WDPCP: variants seen among roughly 807,000 people sequenced by gnomAD.
WDPCP encodes the protein WD repeat containing planar cell polarity effector, also known as WD repeat-containing and planar cell polarity effector protein fritz homolog.
Under a neutral mutation model 93.1 loss-of-function variants are expected in WDPCP, and 71 were observed. That is an observed-to-expected ratio of 0.76 (90% CI 0.63 to 0.93). The LOEUF (loss-of-function observed/expected upper bound fraction) is 0.93. Ranked by LOEUF, WDPCP falls within the 40% of genes least tolerant of loss-of-function variation. WDPCP has a pLI of 0.00. For synonymous variants in WDPCP, 315 were observed against 315.0 expected, an observed-to-expected ratio of 1.00 and a Z score of 0.00; for missense variants, 844 against 887.4, an observed-to-expected ratio of 0.95 and a Z score of 0.62.
At chr2:63,603,819 G>A (rs1046821872) in intron 3 of WDPCP, among the ~76,000 whole-genome samples, 4 of 152,148 alleles carry the variant, frequency 2.6e-5, no homozygotes, top group African/African-American at 9.6e-5. Flanking sequence ...CACCAAGCCC[G>A]GCTAACTTTG....
intron 6 of WDPCP, among the ~76,000 whole-genome samples, chr2:63,478,532 A>G (rs142756814): frequency 3.2e-4 from 49 of 152,282 alleles, no homozygotes; most frequent in African/African-American, 1.2e-3. Context: ...AGGAACCCTC[A>G]AAACCATGCA....
intron 17 of WDPCP, among the ~76,000 whole-genome samples, chr2:63,152,514 C>T (rs1348138358): frequency 6.6e-6 from 1 of 152,092 alleles, no homozygotes; most frequent in Non-Finnish European, 1.5e-5. Flanking sequence ...TCAAGTGATC[C>T]ACCTGCCTCG....
chr2:63,602,934 C>CTTTTGTTTTTTTTTTTTT (rs1709452776), intron 3 of WDPCP, among the ~76,000 whole-genome samples: 1 of 131,538 alleles, frequency 7.6e-6, no homozygotes, highest in Non-Finnish European at 1.7e-5. Flanking sequence ...TTTAACCGTT[C>CTTTTGTTTTTTTTTTTTT]TTTTTTTTTT....
At chr2:63,346,740 C>T (rs1262763452) in intron 12 of WDPCP, among the ~76,000 whole-genome samples, 1 of 152,160 alleles carries the variant, frequency 6.6e-6, no homozygotes, top group Non-Finnish European at 1.5e-5. Context: ...GTACACAAAC[C>T]TGCAAATTCA....
At chr2:63,492,733 C>T in intron 2 of WDPCP, 123 bp downstream of exon 2, 1 of 844,980 alleles carries the variant, frequency 1.2e-6, no homozygotes, top group Non-Finnish European at 1.9e-6. Context: ...ACCAATTTTT[C>T]ATTAAGAATA....
rs370910617 is a variant in WDPCP at position 63,707,174 on chromosome 2, G to C, written n.309-56336C>G. Among the ~76,000 whole-genome samples the C allele has an allele frequency of 2.0e-5, 3 of 152,254 alleles. No homozygotes were observed. In the South Asian group the frequency reaches 6.2e-4, roughly 32 times the overall value. ...ATTTCCTGAATTTGAATGTTGGCCT[G>C]CCTTGCTAGATTGGGGAAGTTCTCC... On this transcript the variant is annotated intron_variant and non_coding_transcript_variant, in intron 2 of 4. Coordinates refer to the WDPCP transcript ENST00000467687.
At chr2:63,610,316 T>A (rs1709601296) in intron 3 of WDPCP, among the ~76,000 whole-genome samples, 1 of 152,192 alleles carries the variant, frequency 6.6e-6, no homozygotes, top group African/African-American at 2.4e-5. Context: ...CTTAAGGGAA[T>A]ATTGACCTCT....
At chr2:63,325,740 G>C (rs181158992) in intron 12 of WDPCP, among the ~76,000 whole-genome samples, 1 of 152,318 alleles carries the variant, frequency 6.6e-6, no homozygotes, top group East Asian at 1.9e-4. Context: ...GGAGCTATTA[G>C]CTACACGAAT....
intron 17 of WDPCP, among the ~76,000 whole-genome samples, chr2:63,129,191 T>C (rs1420594437): frequency 6.6e-6 from 1 of 152,256 alleles, no homozygotes; most frequent in African/African-American, 2.4e-5. Flanking sequence ...AGTGGCCATT[T>C]TGGTTGTTTC....
At chr2:63,227,417 G>C (rs900310798) in intron 14 of WDPCP, among the ~76,000 whole-genome samples, 1 of 152,012 alleles carries the variant, frequency 6.6e-6, no homozygotes, top group Admixed American at 6.6e-5. Context: ...TATGTAAGTG[G>C]TGTAAGCACT....
chr2:63,336,947 G>GC (rs1447134320), intron 12 of WDPCP, among the ~76,000 whole-genome samples: 2 of 145,862 alleles, frequency 1.4e-5, no homozygotes, highest in Non-Finnish European at 3.0e-5. Context: ...AGGTTGGAGT[G>GC]CAGTGGCATG....
intron 2 of WDPCP, chr2:63,752,347 T>C: frequency 1.3e-6 from 1 of 788,162 alleles, no homozygotes; most frequent in South Asian, 1.3e-5. Context: ...GGGCACCTGG[T>C]CTTTGAGAAC....
At chr2:63,609,732 C>T (rs1473886442) in intron 3 of WDPCP, among the ~76,000 whole-genome samples, 1 of 152,054 alleles carries the variant, frequency 6.6e-6, no homozygotes, top group African/African-American at 2.4e-5. Context: ...ATTAGCCAGG[C>T]ATGGTGGTGC....
intron 6 of WDPCP, among the ~76,000 whole-genome samples, chr2:63,455,703 G>C (rs1698579852): frequency 1.3e-5 from 2 of 152,064 alleles, no homozygotes; most frequent in Non-Finnish European, 2.9e-5. Context: ...CAGATCTAAT[G>C]AAAGAGACAG....
intron 2 of WDPCP, among the ~76,000 whole-genome samples, chr2:63,661,072 T>C (rs1253902177): frequency 6.6e-6 from 1 of 152,236 alleles, no homozygotes; most frequent in Non-Finnish European, 1.5e-5. Flanking sequence ...ATGAGTTATC[T>C]ATTGCTATGC....
At chr2:63,706,774 G>A (rs1193278023) in intron 2 of WDPCP, among the ~76,000 whole-genome samples, 7 of 151,066 alleles carry the variant, frequency 4.6e-5, no homozygotes, top group African/African-American at 1.2e-4. Flanking sequence ...CCGCCACCGC[G>A]CCCGGCTAAT....
intron 2 of WDPCP, among the ~76,000 whole-genome samples, chr2:63,679,701 T>C (rs945466150): frequency 6.6e-6 from 1 of 152,116 alleles, no homozygotes; most frequent in Admixed American, 6.5e-5. Flanking sequence ...GGTTTCTAGT[T>C]AGTCGGATTC....
intron 6 of WDPCP, among the ~76,000 whole-genome samples, chr2:63,448,416 T>C (rs565816777): frequency 6.9e-6 from 1 of 145,188 alleles, no homozygotes; most frequent in South Asian, 2.3e-4. Flanking sequence ...CCATGCTACC[T>C]GAGTTAATTA....
chr2:63,781,531 A>T (rs1369110541), intron 2 of WDPCP, among the ~76,000 whole-genome samples: 1 of 152,176 alleles, frequency 6.6e-6, no homozygotes, highest in Non-Finnish European at 1.5e-5. Flanking sequence ...TAGGCACTGT[A>T]CAGTCACTAT....
Sources: gnomAD v4.1 joint callset for allele counts (sites outside exome capture counted in the v4.1 genomes callset) on GRCh38, gnomAD v4.1.1 for gene constraint, MANE v1.5 for transcripts, NCBI Gene and HGNC (gene_info 2026-07-23, HGNC 2026-07-21) for gene names.